CNTN5: variants seen among roughly 807,000 people sequenced by gnomAD.
CNTN5 encodes the protein contactin-5.
A neutral mutation model predicts 129.1 loss-of-function variants in CNTN5; 77 were observed. That is an observed-to-expected ratio of 0.60 (90% confidence interval 0.50 to 0.72). CNTN5 has a LOEUF of 0.72. CNTN5 is among the 30% of genes least tolerant of loss of function. The pLI, the probability that CNTN5 is intolerant of heterozygous loss-of-function variation, is 0.00. For missense variants in CNTN5, 1,478 were observed against 1,328.8 expected, an observed-to-expected ratio of 1.11 and a Z score of -1.75; for synonymous variants, 509 against 465.6, an observed-to-expected ratio of 1.09 and a Z score of -1.20.
chr11:99,226,700 A>G (rs935348309), intron 1 of CNTN5, among the ~76,000 whole-genome samples: 5 of 151,956 alleles, frequency 3.3e-5, no homozygotes, highest in African/African-American at 4.8e-5. Context: ...CTAAATAATA[A>G]GTTCCTAATA....
chr11:99,464,311 G>A (rs1944851323), intron 2 of CNTN5, among the ~76,000 whole-genome samples: 1 of 152,150 alleles, frequency 6.6e-6, no homozygotes, highest in Admixed American at 6.5e-5. Flanking sequence ...ATGAGCACAT[G>A]TTATCATTGG....
intron 21 of CNTN5, among the ~76,000 whole-genome samples, chr11:100,323,714 CTT>C (rs1951739884): frequency 6.7e-6 from 1 of 150,144 alleles, no homozygotes; most frequent in South Asian, 2.2e-4. Context: ...TTAACTTTGT[CTT>C]TATTCATTTT....
intron 9 of CNTN5, among the ~76,000 whole-genome samples, chr11:100,018,150 C>T (rs1323194292): frequency 6.6e-6 from 1 of 151,856 alleles, no homozygotes; most frequent in Non-Finnish European, 1.5e-5. Flanking sequence ...AGCTTTATTG[C>T]CATATAATTG....
intron 9 of CNTN5, among the ~76,000 whole-genome samples, chr11:100,057,832 A>G (rs1943299199): frequency 3.9e-5 from 6 of 152,042 alleles, no homozygotes. Flanking sequence ...AAGAATATGC[A>G]AGGAGCATCA....
chr11:99,228,274 G>C (rs986883078), intron 1 of CNTN5, among the ~76,000 whole-genome samples: 2 of 152,082 alleles, frequency 1.3e-5, no homozygotes, highest in Non-Finnish European at 2.9e-5. Flanking sequence ...GGTAGAGAGT[G>C]GATGCAGGTA....
At chr11:99,300,837 G>A (rs1231840429) in intron 1 of CNTN5, among the ~76,000 whole-genome samples, 3 of 151,924 alleles carry the variant, frequency 2.0e-5, no homozygotes, top group Admixed American at 6.6e-5. Context: ...ATAAAAGACA[G>A]TGTAAACTTG....
chr11:99,507,608 G>A (rs2135401184), intron 2 of CNTN5, among the ~76,000 whole-genome samples: 1 of 152,164 alleles, frequency 6.6e-6, no homozygotes, highest in South Asian at 2.1e-4. Context: ...AGAAAGAAAT[G>A]CAGTATAATA....
At chr11:100,351,422 G>A (rs992186138) in intron 24 of CNTN5, among the ~76,000 whole-genome samples, 42 of 151,134 alleles carry the variant, frequency 2.8e-4, no homozygotes, top group African/African-American at 9.7e-4. Context: ...TCTAAGTTTA[G>A]TAACAATCAT....
At chr11:99,655,972 ATATG>A (rs1490868099) in intron 3 of CNTN5, among the ~76,000 whole-genome samples, 1 of 152,084 alleles carries the variant, frequency 6.6e-6, no homozygotes, top group Non-Finnish European at 1.5e-5. Context: ...ATATACACAT[ATATG>A]CATGTGTGTA....
intron 1 of CNTN5, among the ~76,000 whole-genome samples, chr11:99,136,958 G>A (rs1383643443): frequency 6.6e-6 from 1 of 152,090 alleles, no homozygotes; most frequent in Non-Finnish European, 1.5e-5. Flanking sequence ...ACATTACTAA[G>A]ATGCTGAAAA....
intron 2 of CNTN5, among the ~76,000 whole-genome samples, chr11:99,327,061 AT>A (rs907460250): frequency 1.4e-4 from 22 of 151,806 alleles, no homozygotes; most frequent in Non-Finnish European, 8.8e-5. Flanking sequence ...CAAACTCTAT[AT>A]TTTTTTTTAC....
chr11:99,838,811 C>A (rs940494580), intron 4 of CNTN5, among the ~76,000 whole-genome samples: 1 of 152,022 alleles, frequency 6.6e-6, no homozygotes, highest in African/African-American at 2.4e-5. Context: ...GAGTGACCCA[C>A]GAGGAAAGTG....
At chr11:99,127,277 C>A (rs1028227009) in intron 1 of CNTN5, among the ~76,000 whole-genome samples, 1 of 152,078 alleles carries the variant, frequency 6.6e-6, no homozygotes, top group African/African-American at 2.4e-5. Context: ...CTTCTTTTTT[C>A]TTTTTGTGTC....
intron 6 of CNTN5, among the ~76,000 whole-genome samples, chr11:99,902,489 AATGTATCACTAGTAAATAGACATATT>A (rs1949385640): frequency 6.6e-6 from 1 of 152,120 alleles, no homozygotes; most frequent in African/African-American, 2.4e-5. Flanking sequence ...TACAGAAAAA[AATGTATCACTAGTAAATAGACATATT>A]AGTCCTACAC....
At chr11:99,168,650 A>T (rs1861002331) in intron 1 of CNTN5, among the ~76,000 whole-genome samples, 1 of 152,120 alleles carries the variant, frequency 6.6e-6, no homozygotes, top group Non-Finnish European at 1.5e-5. Context: ...AATATATCGT[A>T]ACTACCTTTG....
At chr11:100,121,306 C>A (rs1234160932) in intron 13 of CNTN5, among the ~76,000 whole-genome samples, 2 of 152,008 alleles carry the variant, frequency 1.3e-5, no homozygotes. Context: ...ATAAAGTAGA[C>A]AATGTTTTGT....
At chr11:99,552,700 A>G (rs1220522026) in intron 2 of CNTN5, among the ~76,000 whole-genome samples, 2 of 152,150 alleles carry the variant, frequency 1.3e-5, no homozygotes, top group African/African-American at 4.8e-5. Flanking sequence ...AGTTAGTCTA[A>G]AAAGTTAGAA....
At chr11:99,021,714 A>G (rs1273404327) in intron 1 of CNTN5, among the ~76,000 whole-genome samples, 1 of 152,226 alleles carries the variant, frequency 6.6e-6, no homozygotes, top group African/African-American at 2.4e-5. Context: ...GGCATCTGGC[A>G]TTGCAATAAC....
intron 1 of CNTN5, among the ~76,000 whole-genome samples, chr11:99,310,181 GC>G (rs1434580465): frequency 1.3e-5 from 2 of 151,976 alleles, no homozygotes; most frequent in African/African-American, 4.8e-5. Flanking sequence ...ATAAGTATCT[GC>G]ACATATTTAT....
Sources: allele counts gnomAD v4.1 joint callset (sites outside exome capture counted in the v4.1 genomes callset), GRCh38; gene constraint gnomAD v4.1.1; transcripts MANE v1.5; gene names NCBI Gene and HGNC (gene_info 2026-07-23, HGNC 2026-07-21).